The following MATR3 variants were observed in gnomAD, a reference collection of about 807,000 sequenced individuals.
The protein encoded by MATR3 is matrin-3.
In MATR3, 4 loss-of-function variants were observed where a neutral mutation model predicts 85.5. The ratio of observed to expected loss-of-function variants is 0.05; its 90% CI spans 0.02 to 0.11. MATR3 has a LOEUF of 0.11. Among genes scored for constraint, MATR3 ranks in the 10% least tolerant of loss-of-function variants. The probability of loss-of-function intolerance (pLI) is 1.00; values close to 1 mark genes in which losing one functional copy is unlikely to be tolerated. For missense variants in MATR3, 685 were observed against 1,016.1 expected (o/e 0.67, Z 4.43); for synonymous variants, 336 against 343.1 (o/e 0.98, Z 0.23).
chr5:139,308,652 AT>A (rs894945857), intron 2 of MATR3, among the ~76,000 whole-genome samples: 1 of 151,678 alleles, frequency 6.6e-6, no homozygotes, highest in Non-Finnish European at 1.5e-5. Flanking sequence ...TGTTTTAAGT[AT>A]TTTTTTTGCA....
At position 139,329,852 on chromosome 5, in the gene MATR3, C is replaced by G. The variant is rs570262242; in HGVS notation, c.*457C>G. ...GCAGACTTTCATTTGGAGTTTGAAC[C>G]CGTTTTGGTTGCATTTCATTTTTGG... On this transcript the variant is annotated 3_prime_UTR_variant, in exon 15 of 15. Transcript: ENST00000394805. The G allele has an allele frequency of 4.4e-6, 2 of 454,462 alleles. No homozygotes were observed. The highest frequency in any genetic ancestry group is 4.7e-5 in the Admixed American group (2 of 42,558). The allele number at this position is 454,462 out of a possible 1,614,324, so 28.2% of individuals were successfully genotyped here.
Position 139,331,205 on chromosome 5 carries a change from G to C in MATR3, c.*1810G>C, listed in dbSNP as rs1488589622. ...CTTCAAATAGTTGGCTAAATTTTATGATCTCTCCCGTTGAAAAGTAGGTGA... is the reference window on the plus strand; with the variant it reads ...CTTCAAATAGTTGGCTAAATTTTATCATCTCTCCCGTTGAAAAGTAGGTGA... On this transcript the variant is annotated 3_prime_UTR_variant, in exon 15 of 15. Coordinates refer to ENST00000394805, the MANE Select transcript of MATR3 (RefSeq NM_018834.6). The C allele has an allele frequency of 2.2e-6, 1 of 452,554 alleles. No homozygotes were observed. Among genetic ancestry groups the C allele is most frequent in the Admixed American group, 2.4e-5 (1 of 42,528 alleles). The allele number at this position is 452,554 out of a possible 1,614,324, so 28.0% of individuals were successfully genotyped here. A position where few individuals can be genotyped will look rare whatever the true frequency, so the allele number is the denominator to read the frequency against.
At chr5:139,297,917 G>A (rs899448154) in intron 1 of MATR3, among the ~76,000 whole-genome samples, 2 of 152,124 alleles carry the variant, frequency 1.3e-5, no homozygotes, top group African/African-American at 4.8e-5. Flanking sequence ...AGGTTAGTAG[G>A]AAAACAAGAG....
At position 139,331,645 on chromosome 5, in the gene MATR3, CA is replaced by C; in HGVS notation, c.*2254del. 1 of 448,524 alleles carries C rather than the reference CA, an allele frequency of 2.2e-6. No individual in the cohort carries two copies. Among genetic ancestry groups the C allele is most frequent in the Non-Finnish European group, 4.5e-6 (1 of 224,628 alleles). The allele number at this position is 448,524 out of a possible 1,614,324, so 27.8% of individuals were successfully genotyped here. A position where few individuals can be genotyped will look rare whatever the true frequency, so the allele number is the denominator to read the frequency against. On this transcript the variant is annotated 3_prime_UTR_variant, in exon 15 of 15. Coordinates refer to ENST00000394805, the MANE Select transcript of MATR3 (RefSeq NM_018834.6). ...CTTAGTTTAATCTTACATTATCCTA[CA>C]AAAGTGAATGAAACTTCTAGAAGTA... is the stretch of plus-strand genomic sequence containing the variant.
intron 2 of MATR3, chr5:139,310,965 C>T (rs1220583664): frequency 6.6e-6 from 1 of 152,226 alleles, no homozygotes; most frequent in Non-Finnish European, 1.5e-5. Context: ...CCACGCCCAG[C>T]TAATTTTATA....
chr5:139,321,091 T>C (rs1404800683), intron 9 of MATR3, among the ~76,000 whole-genome samples: 1 of 151,718 alleles, frequency 6.6e-6, no homozygotes, highest in Non-Finnish European at 1.5e-5. Context: ...TATAGATGGC[T>C]TAGTATTTGG....
At chr5:139,319,615 A>G (rs1581251436) in intron 9 of MATR3, 114 bp downstream of exon 9, 2 of 909,296 alleles carry the variant, frequency 2.2e-6, no homozygotes. Context: ...TGGGAGGCCA[A>G]GGCAGGCAAA....
intron 12 of MATR3, chr5:139,325,185 T>G: frequency 7.0e-7 from 1 of 1,421,434 alleles, no homozygotes; most frequent in Non-Finnish European, 9.3e-7. Context: ...AGAGCAAGAC[T>G]CCGTCTCAAA....
intron 1 of MATR3, chr5:139,294,056 G>T (rs1013691605): frequency 3.8e-5 from 48 of 1,253,430 alleles, no homozygotes; most frequent in Non-Finnish European, 4.7e-5. Context: ...GAAACACGCG[G>T]CCGGCCAAGG....
rs1333171456 is a variant in MATR3, at chr5:139,325,202, A to G, written c.2149-238A>G. The G allele has an allele frequency of 3.4e-6, 5 of 1,482,470 alleles. No individual in the cohort carries two copies. The African/African-American group carries it at 4.3e-5, about 13-fold the overall frequency. 91.8% of individuals were successfully genotyped at this position (1,482,470 alleles called of 1,614,324 possible). A position where few individuals can be genotyped will look rare whatever the true frequency, so the allele number is the denominator to read the frequency against. On this transcript the variant is annotated intron_variant, in intron 12 of 14. Transcript: ENST00000394805. Reference sequence around the variant, plus strand: ...AGCAAGACTCCGTCTCAAAAAAAAAAAGGCAAAGACGCTATCCGTTTCCCT... The same window carrying G: ...AGCAAGACTCCGTCTCAAAAAAAAAGAGGCAAAGACGCTATCCGTTTCCCT...
intron 3 of MATR3, among the ~76,000 whole-genome samples, chr5:139,286,560 G>A (rs1038114245): frequency 4.0e-5 from 6 of 151,206 alleles, no homozygotes; most frequent in Non-Finnish European, 7.4e-5. Context: ...ATAATGGTAC[G>A]TTGGCCAGGC....
At chr5:139,320,152 C>A (rs991006221) in intron 9 of MATR3, among the ~76,000 whole-genome samples, 1 of 150,946 alleles carries the variant, frequency 6.6e-6, no homozygotes, top group South Asian at 2.1e-4. Context: ...CCTAAAAATA[C>A]AAAAAAATTA....
intron 10 of MATR3, 71 bp downstream of exon 10, chr5:139,322,100 A>C: frequency 6.6e-7 from 1 of 1,516,540 alleles, no homozygotes; most frequent in Non-Finnish European, 9.1e-7. Context: ...CATTCTTTTA[A>C]ACATTTTTGT....
chr5:139,274,739 A>G (rs1448921578), intron 1 of MATR3, among the ~76,000 whole-genome samples: 1 of 151,972 alleles, frequency 6.6e-6, no homozygotes, highest in African/African-American at 2.4e-5. Flanking sequence ...GAAGAAGACC[A>G]TCCTGGCCAA....
chr5:139,319,860 CTTTTTTTTT>C (rs58123057), intron 9 of MATR3, among the ~76,000 whole-genome samples: 1,313 of 44,172 alleles, frequency 0.03, 36 homozygotes, highest in African/African-American at 0.095. Flanking sequence ...AAAAAATTTG[CTTTTTTTTT>C]TTTTTTTTTT....
chr5:139,317,853 G>A (rs1755331960), intron 7 of MATR3, 132 bp downstream of exon 7: 1 of 833,972 alleles, frequency 1.2e-6, no homozygotes, highest in Admixed American at 2.4e-5. Context: ...GAATGTAGTA[G>A]AGGAAAAGGC....
intron 2 of MATR3, chr5:139,314,153 A>G (rs1399004315): frequency 6.2e-6 from 1 of 160,894 alleles, no homozygotes; most frequent in Non-Finnish European, 1.4e-5. Context: ...CTGGTCTCAA[A>G]TGATCCATCC....
chr5:139,310,556 T>A (rs537909658), intron 2 of MATR3: 6 of 152,246 alleles, frequency 3.9e-5, no homozygotes, highest in African/African-American at 1.4e-4. Flanking sequence ...AATGAAAAAT[T>A]TTTAAACATT....
chr5:139,301,732 G>A (rs1451470194), intron 1 of MATR3, among the ~76,000 whole-genome samples: 1 of 152,128 alleles, frequency 6.6e-6, no homozygotes, highest in Non-Finnish European at 1.5e-5. Flanking sequence ...AGGTACACGG[G>A]GTAACTTTCT....
Sources: allele counts gnomAD v4.1 joint callset (sites outside exome capture counted in the v4.1 genomes callset), GRCh38; gene constraint gnomAD v4.1.1; transcripts MANE v1.5; gene names NCBI Gene and HGNC (gene_info 2026-07-23, HGNC 2026-07-21).